LCOR: variants seen among roughly 807,000 people sequenced by gnomAD.
LCOR encodes ligand dependent nuclear receptor corepressor.
Under a neutral mutation model 64.4 loss-of-function variants are expected in LCOR, and 14 were observed. The observed-to-expected ratio is 0.22, with a 90% CI of 0.14 to 0.34. The LOEUF (loss-of-function observed/expected upper bound fraction) is 0.34, where lower values mean the gene tolerates loss of function less well. Ranked by LOEUF, LCOR falls within the 10% of genes least tolerant of loss-of-function variation. LCOR has a pLI of 1.00. For synonymous variants in LCOR, 643 were observed against 642.5 expected, an observed-to-expected ratio of 1.00 and a Z score of -0.01; for missense variants, 1,686 against 1,765.3, an observed-to-expected ratio of 0.96 and a Z score of 0.80.
At chr10:96,968,937 CA>C (rs146079321) in intron 7 of LCOR, among the ~76,000 whole-genome samples, 131 of 139,936 alleles carry the variant, frequency 9.4e-4, no homozygotes, top group Middle Eastern at 3.6e-3. Flanking sequence ...ATCCTGTCTC[CA>C]AAAAAAAAAA....
chr10:96,920,891 G>A (rs1003749681), intron 4 of LCOR, among the ~76,000 whole-genome samples: 3 of 151,562 alleles, frequency 2.0e-5, no homozygotes, highest in African/African-American at 7.3e-5. Flanking sequence ...GTGACCTCCC[G>A]GGCACATGTA....
Position 96,992,159 on chromosome 10 carries a change from G to A in LCOR, c.*7025G>A, listed in dbSNP as rs1018175356. 3.3e-5 allele frequency: 5 copies of A among 151,932 alleles called. No homozygotes were observed. The highest frequency in any genetic ancestry group is 1.2e-4 in the African/African-American group (5 of 41,336). 9.4% of individuals were successfully genotyped at this position (151,932 alleles called of 1,614,324 possible). The stretch of plus-strand genomic sequence containing the variant: ...ATTTTTAGAGTCACTATAGCTTAAG[G>A]TTATTGATTTCACTAGTGTGGTTTC... On this transcript the variant is annotated 3_prime_UTR_variant, in exon 8 of 8. Coordinates refer to ENST00000421806, the MANE Select transcript of LCOR (RefSeq NM_001346516.2).
chr10:96,984,936 G>T lies in LCOR; in HGVS notation c.4476G>T (p.Thr1492=). Reference sequence around the variant, plus strand: ...AGTCTATTGCCTCGGAAACACTGACGAAACCTGCAAAACAGAAGGGGGCCG... The same window carrying T: ...AGTCTATTGCCTCGGAAACACTGACTAAACCTGCAAAACAGAAGGGGGCCG... ...PSQSIASETL[T]KPAKQKGAGE... is the part of the protein sequence containing the mutation. Residue 1492 remains threonine, a synonymous_variant, in exon 8 of 8, where the codon ACG becomes ACT. Transcript: ENST00000421806. The T allele has an allele frequency of 6.2e-7, 1 of 1,614,100 alleles. No individual in the cohort carries two copies. The highest frequency in any genetic ancestry group is 8.5e-7 in the Non-Finnish European group (1 of 1,180,026).
chr10:96,941,192 A>ACC (rs1156526327), intron 4 of LCOR, among the ~76,000 whole-genome samples: 1 of 81,622 alleles, frequency 1.2e-5, no homozygotes, highest in African/African-American at 6.2e-5. Flanking sequence ...CGGGGGGCTG[A>ACC]CCCCCCCACC....
chr10:96,953,665 T>A (rs1847719656), intron 7 of LCOR, among the ~76,000 whole-genome samples: 1 of 152,252 alleles, frequency 6.6e-6, no homozygotes. Context: ...TCTGTAAACT[T>A]GGCTACCAGG....
At chr10:96,966,607 T>C (rs1244653971) in intron 7 of LCOR, among the ~76,000 whole-genome samples, 1 of 151,980 alleles carries the variant, frequency 6.6e-6, no homozygotes, top group African/African-American at 2.4e-5. Flanking sequence ...CTGAAATGAG[T>C]GAATAATTTT....
intron 7 of LCOR, among the ~76,000 whole-genome samples, chr10:96,976,093 T>C (rs1316825117): frequency 2.6e-5 from 4 of 152,272 alleles, no homozygotes; most frequent in Admixed American, 2.6e-4. Flanking sequence ...GGTGGGGTAG[T>C]TTTGAGCTGG....
intron 4 of LCOR, among the ~76,000 whole-genome samples, chr10:96,918,738 G>C (rs752854802): frequency 6.6e-6 from 1 of 152,176 alleles, no homozygotes; most frequent in Admixed American, 6.5e-5. Flanking sequence ...AGTTACAGTT[G>C]GTAGGAATTA....
chr10:96,853,945 T>C lies in LCOR; in HGVS notation c.-330+20466T>C, dbSNP rs574634105. ...AGATCTTATAAGACTCCCCCATTAT[T>C]ACGAGAACAGCATGGGGGAAGCTGC... On this transcript the variant is annotated intron_variant, in intron 2 of 7. Coordinates refer to ENST00000421806, the MANE Select transcript of LCOR (RefSeq NM_001346516.2). Among the ~76,000 whole-genome samples, 183 of 152,258 alleles carry C rather than the reference T, an allele frequency of 1.2e-3. 1 individual carries two copies. Among genetic ancestry groups the C allele is most frequent in the African/African-American group, 4.2e-3 (175 of 41,544 alleles).
chr10:96,953,073 A>C (rs1847709385), intron 7 of LCOR, among the ~76,000 whole-genome samples: 1 of 152,170 alleles, frequency 6.6e-6, no homozygotes, highest in African/African-American at 2.4e-5. Flanking sequence ...AAATAGAAGG[A>C]TTCCTTTACA....
intron 4 of LCOR, among the ~76,000 whole-genome samples, chr10:96,915,470 G>A (rs1293139142): frequency 1.3e-5 from 2 of 152,128 alleles, no homozygotes; most frequent in African/African-American, 2.4e-5. Flanking sequence ...GCAGTCAGCC[G>A]AGATTGCGCC....
intron 7 of LCOR, chr10:96,955,546 C>G: frequency 6.2e-7 from 1 of 1,614,116 alleles, no homozygotes; most frequent in East Asian, 2.2e-5. Context: ...GATGCTGGAC[C>G]CGATTCTTGG....
chr10:96,914,617 A>G (rs1481174732), intron 4 of LCOR, among the ~76,000 whole-genome samples: 1 of 152,270 alleles, frequency 6.6e-6, no homozygotes, highest in Admixed American at 6.5e-5. Flanking sequence ...ATGGGCAGAC[A>G]GTTGTTAACA....
intron 2 of LCOR, among the ~76,000 whole-genome samples, chr10:96,885,243 G>C (rs1442137773): frequency 6.6e-6 from 1 of 152,176 alleles, no homozygotes; most frequent in African/African-American, 2.4e-5. Flanking sequence ...AAATAGTAAA[G>C]TTTTCAGATT....
At chr10:96,866,866 G>A (rs186065591) in intron 2 of LCOR, among the ~76,000 whole-genome samples, 4 of 152,172 alleles carry the variant, frequency 2.6e-5, no homozygotes, top group Non-Finnish European at 2.9e-5. Context: ...TTCAGCCACC[G>A]TGCCCAGCCC....
At chr10:96,843,782 C>T (rs1353484689) in intron 2 of LCOR, among the ~76,000 whole-genome samples, 1 of 152,162 alleles carries the variant, frequency 6.6e-6, no homozygotes, top group Non-Finnish European at 1.5e-5. Context: ...TGTATGGCAC[C>T]ATCTTCCTTT....
Position 96,989,791 on chromosome 10 carries a change from C to T in LCOR, c.*4657C>T, listed in dbSNP as rs1848183504. On this transcript the variant is annotated 3_prime_UTR_variant, in exon 8 of 8. Coordinates refer to ENST00000421806, the MANE Select transcript of LCOR (RefSeq NM_001346516.2). ...CTGGCCTCAAGCAGTGCTCCCACCTCAGCCTCCCAAAGTGCTGGGATTACA... is the reference window on the plus strand; with the variant it reads ...CTGGCCTCAAGCAGTGCTCCCACCTTAGCCTCCCAAAGTGCTGGGATTACA... The T allele has an allele frequency of 6.7e-6, 1 of 148,902 alleles. No homozygotes were observed. Among genetic ancestry groups the T allele is most frequent in the Admixed American group, 6.7e-5 (1 of 14,912 alleles). 9.2% of individuals were successfully genotyped at this position (148,902 alleles called of 1,614,324 possible). A position where few individuals can be genotyped will look rare whatever the true frequency, so the allele number is the denominator to read the frequency against.
At chr10:96,917,671 AT>A (rs1399138793) in intron 4 of LCOR, among the ~76,000 whole-genome samples, 1 of 152,164 alleles carries the variant, frequency 6.6e-6, no homozygotes, top group Non-Finnish European at 1.5e-5. Context: ...CAGCGAGAAA[AT>A]TATGGGAGGG....
intron 7 of LCOR, among the ~76,000 whole-genome samples, chr10:96,967,036 C>T (rs1008256584): frequency 7.9e-5 from 12 of 152,286 alleles, no homozygotes; most frequent in African/African-American, 2.4e-4. Context: ...CATGCCTGGC[C>T]GACTGTAGAG....
Sources: gnomAD v4.1 joint callset for allele counts (sites outside exome capture counted in the v4.1 genomes callset) on GRCh38, gnomAD v4.1.1 for gene constraint, MANE v1.5 for transcripts, NCBI Gene and HGNC (gene_info 2026-07-23, HGNC 2026-07-21) for gene names.